The following MECOM variants were observed in gnomAD, a reference collection of about 807,000 sequenced individuals.
MECOM encodes histone-lysine N-methyltransferase MECOM.
MECOM carries 13 observed loss-of-function variants against 116.3 expected under a neutral mutation model. The ratio of observed to expected loss-of-function variants is 0.11; its 90% confidence interval spans 0.07 to 0.18. The LOEUF (loss-of-function observed/expected upper bound fraction) is 0.18, where lower values mean the gene tolerates loss of function less well. Ranked by LOEUF, MECOM falls within the 10% of genes least tolerant of loss-of-function variation. The pLI is 1.00. For synonymous variants in MECOM, 528 were observed against 535.2 expected, an observed-to-expected ratio of 0.99 and a Z score of 0.19; for missense variants, 1,299 against 1,509.0, an observed-to-expected ratio of 0.86 and a Z score of 2.31.
intron 1 of MECOM, among the ~76,000 whole-genome samples, chr3:169,386,510 T>C (rs1330266510): frequency 2.0e-5 from 3 of 152,222 alleles, no homozygotes; most frequent in Non-Finnish European, 2.9e-5. Flanking sequence ...ACTTTGGCTT[T>C]TGACTTTTTC....
At chr3:169,460,211 A>G (rs1197892360) in intron 1 of MECOM, among the ~76,000 whole-genome samples, 2 of 152,168 alleles carry the variant, frequency 1.3e-5, no homozygotes, top group Non-Finnish European at 2.9e-5. Context: ...GTTTCCTTAT[A>G]TTGTTCAAAG....
chr3:169,137,064 CA>C (rs1346804264), intron 3 of MECOM, among the ~76,000 whole-genome samples: 8 of 152,046 alleles, frequency 5.3e-5, no homozygotes, highest in Non-Finnish European at 1.2e-4. Context: ...TTGAAGTTAA[CA>C]GTTGATTTCT....
intron 1 of MECOM, among the ~76,000 whole-genome samples, chr3:169,467,526 A>G (rs898867267): frequency 7.1e-6 from 1 of 139,906 alleles, no homozygotes; most frequent in Non-Finnish European, 1.6e-5. Context: ...AGGTGAAGAA[A>G]TACATTTCTA....
At chr3:169,527,902 C>T (rs1758145987) in intron 1 of MECOM, among the ~76,000 whole-genome samples, 1 of 152,194 alleles carries the variant, frequency 6.6e-6, no homozygotes, top group Non-Finnish European at 1.5e-5. Context: ...TTTGGTAGGA[C>T]TTTGCTAACT....
chr3:169,307,168 A>G (rs1460375658), intron 2 of MECOM, among the ~76,000 whole-genome samples: 1 of 152,190 alleles, frequency 6.6e-6, no homozygotes, highest in Non-Finnish European at 1.5e-5. Context: ...CCTAACATCA[A>G]TAATTCTTAG....
At chr3:169,629,422 T>C (rs143651726) in intron 1 of MECOM, among the ~76,000 whole-genome samples, 59 of 152,118 alleles carry the variant, frequency 3.9e-4, no homozygotes, top group African/African-American at 1.3e-3. Context: ...AAATTTGAGG[T>C]CCTTCATAAA....
At chr3:169,584,496 T>C (rs565860985) in intron 1 of MECOM, among the ~76,000 whole-genome samples, 2,006 of 144,450 alleles carry the variant, frequency 0.014, 18 homozygotes, top group Admixed American at 0.026. Flanking sequence ...ACCCAAGAGG[T>C]GGAGCTTGCA....
intron 2 of MECOM, among the ~76,000 whole-genome samples, chr3:169,182,633 A>T (rs1746118729): frequency 6.6e-6 from 1 of 152,222 alleles, no homozygotes; most frequent in Non-Finnish European, 1.5e-5. Context: ...CTTAAAAGAA[A>T]GTCATTTGGT....
At chr3:169,357,264 T>G (rs1487516342) in intron 2 of MECOM, among the ~76,000 whole-genome samples, 10 of 151,906 alleles carry the variant, frequency 6.6e-5, no homozygotes, top group Admixed American at 5.9e-4. Flanking sequence ...TCACAGATTT[T>G]AATGAGCAAT....
chr3:169,196,693 G>A (rs892591025), intron 2 of MECOM, among the ~76,000 whole-genome samples: 6 of 152,014 alleles, frequency 3.9e-5, no homozygotes, highest in Non-Finnish European at 7.4e-5. Context: ...AGAGAAAAAA[G>A]AATGCTTATA....
At chr3:169,483,815 C>A (rs1751736152) in intron 1 of MECOM, 1 of 1,611,908 alleles carries the variant, frequency 6.2e-7, no homozygotes, top group Admixed American at 1.7e-5. Context: ...ATTTCAAATA[C>A]CTTTTGGAGA....
chr3:169,155,554 C>T (rs566590358), intron 2 of MECOM, among the ~76,000 whole-genome samples: 8 of 152,190 alleles, frequency 5.3e-5, no homozygotes, highest in African/African-American at 1.9e-4. Context: ...AAAGTTATAA[C>T]AATGCTTTGC....
intron 2 of MECOM, among the ~76,000 whole-genome samples, chr3:169,325,128 G>A (rs1009868010): frequency 3.9e-5 from 6 of 152,116 alleles, no homozygotes; most frequent in African/African-American, 1.4e-4. Context: ...TGGGCCCAGA[G>A]GTGCACAGAA....
intron 2 of MECOM, among the ~76,000 whole-genome samples, chr3:169,162,544 C>T (rs16853273): frequency 0.07 from 10,720 of 152,100 alleles, 485 homozygotes; most frequent in South Asian, 0.19. Context: ...TAGGCAAAAG[C>T]GGAAAATAAT....
At chr3:169,623,622 T>C (rs1316597232) in intron 1 of MECOM, among the ~76,000 whole-genome samples, 1 of 152,208 alleles carries the variant, frequency 6.6e-6, no homozygotes, top group Non-Finnish European at 1.5e-5. Context: ...TGGAGGATTG[T>C]GGTTTACATT....
At chr3:169,568,357 C>G (rs914335560) in intron 1 of MECOM, among the ~76,000 whole-genome samples, 4 of 152,100 alleles carry the variant, frequency 2.6e-5, no homozygotes, top group Non-Finnish European at 2.9e-5. Context: ...CACCTGGAAC[C>G]TCCGAGACAG....
chr3:169,429,436 G>C (rs947150055), intron 1 of MECOM, among the ~76,000 whole-genome samples: 3 of 152,188 alleles, frequency 2.0e-5, no homozygotes, highest in Admixed American at 6.5e-5. Context: ...GCTGCAAAAT[G>C]GAAGGAATGT....
intron 1 of MECOM, among the ~76,000 whole-genome samples, chr3:169,493,744 C>T (rs1017691034): frequency 2.6e-5 from 4 of 151,934 alleles, no homozygotes; most frequent in African/African-American, 9.7e-5. Context: ...ATGAGAGAGC[C>T]TATTGAAGAA....
chr3:169,509,716 T>G (rs1046397354), intron 1 of MECOM, among the ~76,000 whole-genome samples: 1 of 152,256 alleles, frequency 6.6e-6, no homozygotes, highest in African/African-American at 2.4e-5. Context: ...TGAATAATAT[T>G]CCTTTTGTAT....
Sources: allele counts gnomAD v4.1 joint callset (sites outside exome capture counted in the v4.1 genomes callset), GRCh38; gene constraint gnomAD v4.1.1; transcripts MANE v1.5; gene names NCBI Gene and HGNC (gene_info 2026-07-23, HGNC 2026-07-21).